Variants in MAP4K3 observed in about 807,000 individuals in gnomAD.
The protein encoded by MAP4K3 is MAPK/ERK kinase kinase kinase 3.
In MAP4K3, 94 loss-of-function variants were observed where a neutral mutation model predicts 143.5. The observed-to-expected ratio is 0.65, with a 90% CI of 0.55 to 0.78. The LOEUF is 0.78. Ranked by LOEUF, MAP4K3 falls within the 30% of genes least tolerant of loss-of-function variation. The pLI, the probability that MAP4K3 is intolerant of heterozygous loss-of-function variation, is 0.00. For synonymous variants in MAP4K3, 416 were observed against 347.2 expected, an observed-to-expected ratio of 1.20 and a Z score of -2.20; for missense variants, 1,077 against 1,068.1, an observed-to-expected ratio of 1.01 and a Z score of -0.12.
chr2:39,279,325 G>A (rs1681410091), intron 23 of MAP4K3, among the ~76,000 whole-genome samples: 1 of 152,032 alleles, frequency 6.6e-6, no homozygotes, highest in African/African-American at 2.4e-5. Flanking sequence ...AGACAGTATT[G>A]GATTTAAACT....
At chr2:39,292,463 G>T (rs1356560214) in intron 18 of MAP4K3, among the ~76,000 whole-genome samples, 1 of 152,198 alleles carries the variant, frequency 6.6e-6, no homozygotes, top group Non-Finnish European at 1.5e-5. Flanking sequence ...AAGGCCACGT[G>T]AAGACATGGC....
At chr2:39,322,565 A>C (rs573136449) in intron 12 of MAP4K3, among the ~76,000 whole-genome samples, 48 of 150,930 alleles carry the variant, frequency 3.2e-4, no homozygotes, top group Non-Finnish European at 6.1e-4. Context: ...ACCTATAAAA[A>C]ACTTAAACTA....
intron 2 of MAP4K3, among the ~76,000 whole-genome samples, chr2:39,361,283 C>G (rs1192764821): frequency 6.6e-6 from 1 of 151,772 alleles, no homozygotes; most frequent in Non-Finnish European, 1.5e-5. Context: ...TAGCAACTAC[C>G]CATAGTCACA....
chr2:39,410,088 G>T (rs767436250), intron 1 of MAP4K3, among the ~76,000 whole-genome samples: 1 of 152,290 alleles, frequency 6.6e-6, no homozygotes, highest in South Asian at 2.1e-4. Flanking sequence ...TGACTACAGC[G>T]AAGAAGTAAC....
chr2:39,280,074 T>C (rs961905613), intron 23 of MAP4K3, among the ~76,000 whole-genome samples, 198 bp downstream of exon 23: 9 of 152,102 alleles, frequency 5.9e-5, no homozygotes, highest in Non-Finnish European at 1.3e-4. Flanking sequence ...AACTATACAG[T>C]GAAATTTTAA....
intron 1 of MAP4K3, among the ~76,000 whole-genome samples, chr2:39,400,497 G>A (rs1203083000): frequency 6.6e-6 from 1 of 151,988 alleles, no homozygotes; most frequent in Non-Finnish European, 1.5e-5. Flanking sequence ...CAAATGTTGA[G>A]CTTAGGTTTT....
chr2:39,303,528 T>C (rs1034013404), intron 15 of MAP4K3, among the ~76,000 whole-genome samples: 5 of 152,044 alleles, frequency 3.3e-5, no homozygotes, highest in East Asian at 1.9e-4. Context: ...GTCATTAACA[T>C]AGTGTTTTTT....
intron 1 of MAP4K3, among the ~76,000 whole-genome samples, chr2:39,393,357 G>C (rs1028717677): frequency 3.3e-5 from 5 of 152,016 alleles, no homozygotes; most frequent in African/African-American, 1.2e-4. Flanking sequence ...TATCTCCTTA[G>C]AAGCCTTTTA....
intron 19 of MAP4K3, among the ~76,000 whole-genome samples, 186 bp downstream of exon 19, chr2:39,290,106 A>ATG (rs1681975378): frequency 1.5e-5 from 2 of 134,082 alleles, no homozygotes; most frequent in Non-Finnish European, 3.3e-5. Flanking sequence ...AAAAAAAAAA[A>ATG]AGAACACTAA....
At chr2:39,365,044 C>A (rs186234927) in intron 2 of MAP4K3, among the ~76,000 whole-genome samples, 1 of 152,234 alleles carries the variant, frequency 6.6e-6, no homozygotes, top group East Asian at 1.9e-4. Context: ...CTATAGAATA[C>A]AGATTTCCCC....
intron 3 of MAP4K3, 186 bp downstream of exon 3, chr2:39,356,063 A>G: frequency 2.1e-6 from 1 of 482,600 alleles, no homozygotes; most frequent in Non-Finnish European, 3.7e-6. Flanking sequence ...CCCAAGTCAT[A>G]CGACTGCAAT....
intron 1 of MAP4K3, among the ~76,000 whole-genome samples, chr2:39,387,487 T>C (rs1241611939): frequency 6.6e-6 from 1 of 152,188 alleles, no homozygotes; most frequent in Non-Finnish European, 1.5e-5. Context: ...ACGTGGCTAG[T>C]GATAACTGCA....
At chr2:39,373,751 A>C (rs556355115) in intron 2 of MAP4K3, among the ~76,000 whole-genome samples, 1 of 152,326 alleles carries the variant, frequency 6.6e-6, no homozygotes, top group Non-Finnish European at 1.5e-5. Context: ...AATTGAACTT[A>C]AGGAGATAGA....
At chr2:39,395,001 C>A (rs376510249) in intron 1 of MAP4K3, among the ~76,000 whole-genome samples, 3 of 151,968 alleles carry the variant, frequency 2.0e-5, no homozygotes, top group Admixed American at 1.3e-4. Flanking sequence ...AAAAATGGAA[C>A]AAGAGAATGA....
chr2:39,424,272 C>T (rs527732283), intron 1 of MAP4K3, among the ~76,000 whole-genome samples: 81 of 152,186 alleles, frequency 5.3e-4, no homozygotes, highest in African/African-American at 1.9e-3. Flanking sequence ...AAATGTATCA[C>T]ACTGAATTAA....
At chr2:39,262,114 T>C (rs933139045) in intron 28 of MAP4K3, among the ~76,000 whole-genome samples, 9 of 152,262 alleles carry the variant, frequency 5.9e-5, no homozygotes, top group African/African-American at 2.2e-4. Context: ...CAAATGGTTA[T>C]TGCTAGCATT....
chr2:39,311,644 A>T (rs1273052924), intron 13 of MAP4K3, among the ~76,000 whole-genome samples: 1 of 152,206 alleles, frequency 6.6e-6, no homozygotes, highest in Non-Finnish European at 1.5e-5. Context: ...CCCTAAAGAG[A>T]GGCCTCCTGG....
chr2:39,346,803 G>T (rs761993072), intron 3 of MAP4K3, among the ~76,000 whole-genome samples: 1 of 152,026 alleles, frequency 6.6e-6, no homozygotes, highest in Admixed American at 6.6e-5. Context: ...ACTCTATGCA[G>T]ATTACTTAGA....
chr2:39,296,514 G>A (rs1457991663), intron 16 of MAP4K3, among the ~76,000 whole-genome samples: 1 of 152,144 alleles, frequency 6.6e-6, no homozygotes, highest in Admixed American at 6.5e-5. Context: ...AAGAAATGTT[G>A]ACGAAAAGGT....
Sources: gnomAD v4.1 joint callset for allele counts (sites outside exome capture counted in the v4.1 genomes callset) on GRCh38, gnomAD v4.1.1 for gene constraint, MANE v1.5 for transcripts, NCBI Gene and HGNC (gene_info 2026-07-23, HGNC 2026-07-21) for gene names.